CAPZB: variants seen among roughly 807,000 people sequenced by gnomAD.
CAPZB encodes the protein F-actin-capping protein subunit beta.
A neutral mutation model predicts 38.1 loss-of-function variants in CAPZB; 2 were observed. That is an observed-to-expected ratio of 0.05 (90% CI 0.02 to 0.17). The LOEUF is 0.17. Ranked by LOEUF, CAPZB falls within the 10% of genes least tolerant of loss-of-function variation. The pLI, the probability that CAPZB is intolerant of heterozygous loss-of-function variation, is 1.00. For synonymous variants in CAPZB, 107 were observed against 127.4 expected, an observed-to-expected ratio of 0.84 and a Z score of 1.08; for missense variants, 161 against 334.2, an observed-to-expected ratio of 0.48 and a Z score of 4.04.
intron 6 of CAPZB, among the ~76,000 whole-genome samples, chr1:19,351,366 G>T (rs2093990746): frequency 6.6e-6 from 1 of 151,990 alleles, no homozygotes; most frequent in African/African-American, 2.4e-5. Flanking sequence ...GGAATGCAAT[G>T]GTGCAATCAT....
chr1:19,437,546 C>T (rs12042004), intron 1 of CAPZB, among the ~76,000 whole-genome samples: 1 of 151,986 alleles, frequency 6.6e-6, no homozygotes, highest in Admixed American at 6.6e-5. Context: ...CCGCTAGCCT[C>T]GAAAGCCTGT....
At chr1:19,385,720 CCTTTAACAT>C in intron 2 of CAPZB, 94 bp from the exon 3 acceptor site, 1 of 1,476,558 alleles carries the variant, frequency 6.8e-7, no homozygotes, top group Non-Finnish European at 9.5e-7. Flanking sequence ...GTGGTCAGTA[CCTTTAACAT>C]CTGGCCCTGG....
chr1:19,405,873 G>A (rs1410294720), intron 2 of CAPZB, among the ~76,000 whole-genome samples: 2 of 152,190 alleles, frequency 1.3e-5, no homozygotes, highest in African/African-American at 4.8e-5. Flanking sequence ...AAGGCAATGG[G>A]CCCATTAGGA....
intron 1 of CAPZB, among the ~76,000 whole-genome samples, chr1:19,421,317 C>A (rs994454802): frequency 1.3e-5 from 2 of 152,094 alleles, no homozygotes. Flanking sequence ...AGACATAACA[C>A]ATTATTAAGG....
chr1:19,475,789 A>G (rs2094604744), intron 1 of CAPZB, among the ~76,000 whole-genome samples: 1 of 152,190 alleles, frequency 6.6e-6, no homozygotes, highest in South Asian at 2.1e-4. Flanking sequence ...GCAACTTCAT[A>G]TGGTTCAACC....
At chr1:19,453,241 C>T (rs1055021318) in intron 1 of CAPZB, among the ~76,000 whole-genome samples, 1 of 152,136 alleles carries the variant, frequency 6.6e-6, no homozygotes, top group African/African-American at 2.4e-5. Flanking sequence ...TGATAACTAA[C>T]AGCACGTCTT....
chr1:19,361,913 T>C (rs2094054811), intron 4 of CAPZB, among the ~76,000 whole-genome samples: 1 of 152,212 alleles, frequency 6.6e-6, no homozygotes, highest in Non-Finnish European at 1.5e-5. Context: ...ATAAGGTGGC[T>C]CTACCATCGC....
At chr1:19,354,411 G>C (rs879934744) in intron 6 of CAPZB, among the ~76,000 whole-genome samples, 12 of 152,138 alleles carry the variant, frequency 7.9e-5, no homozygotes, top group Non-Finnish European at 1.6e-4. Context: ...ACTTAGATTT[G>C]TCTACCTCAT....
chr1:19,461,536 C>A (rs78070976), intron 1 of CAPZB, among the ~76,000 whole-genome samples: 1 of 152,232 alleles, frequency 6.6e-6, no homozygotes, highest in Non-Finnish European at 1.5e-5. Context: ...CTGGCTTCCA[C>A]GCATGCTTCC....
At chr1:19,347,481 A>G (rs2093968319) in intron 6 of CAPZB, among the ~76,000 whole-genome samples, 1 of 151,978 alleles carries the variant, frequency 6.6e-6, no homozygotes, top group South Asian at 2.1e-4. Context: ...CCACATTTCC[A>G]CAGCCCCCCA....
intron 1 of CAPZB, among the ~76,000 whole-genome samples, chr1:19,453,207 G>A (rs369707562): frequency 9.9e-5 from 15 of 152,066 alleles, no homozygotes; most frequent in African/African-American, 2.4e-4. Flanking sequence ...ATACAGGCCC[G>A]GTGTCACCGG....
intron 6 of CAPZB, among the ~76,000 whole-genome samples, chr1:19,346,711 G>A (rs1350821813): frequency 6.6e-6 from 1 of 152,050 alleles, no homozygotes; most frequent in Non-Finnish European, 1.5e-5. Context: ...CAGAGGGCAG[G>A]AGAGAACCAA....
chr1:19,435,218 T>C (rs982933523), intron 1 of CAPZB, among the ~76,000 whole-genome samples: 1 of 152,314 alleles, frequency 6.6e-6, no homozygotes. Context: ...ACAAGTTTCC[T>C]GAGAGCTGGT....
intron 3 of CAPZB, among the ~76,000 whole-genome samples, chr1:19,382,400 C>T (rs913956904): frequency 2.0e-5 from 3 of 152,090 alleles, no homozygotes; most frequent in South Asian, 2.1e-4. Context: ...ACTTTCATTT[C>T]CCTCCGAGAA....
intron 4 of CAPZB, among the ~76,000 whole-genome samples, chr1:19,364,888 C>A (rs1466942914): frequency 6.6e-6 from 1 of 151,504 alleles, no homozygotes; most frequent in African/African-American, 2.4e-5. Context: ...GTTCTCTTGC[C>A]CAGGTTGGAG....
chr1:19,420,026 G>A (rs1038539158), intron 1 of CAPZB: 3 of 412,742 alleles, frequency 7.3e-6, no homozygotes, highest in Admixed American at 8.3e-5. Flanking sequence ...CTCCCTCACC[G>A]GCTCCCCTGC....
chr1:19,440,137 CTTTG>C (rs773245918), intron 1 of CAPZB, among the ~76,000 whole-genome samples: 1 of 152,146 alleles, frequency 6.6e-6, no homozygotes, highest in Non-Finnish European at 1.5e-5. Flanking sequence ...TACAAAATAC[CTTTG>C]TTTTTCTTTT....
chr1:19,372,373 G>A (rs372663174), intron 4 of CAPZB, among the ~76,000 whole-genome samples: 8 of 152,252 alleles, frequency 5.3e-5, no homozygotes, highest in Admixed American at 2.0e-4. Flanking sequence ...ATCTTTGGAA[G>A]AAGGCAGTGC....
intron 1 of CAPZB, among the ~76,000 whole-genome samples, chr1:19,446,120 C>T (rs925394485): frequency 1.6e-4 from 25 of 152,152 alleles, no homozygotes; most frequent in African/African-American, 4.6e-4. Context: ...GCAGGAAGAG[C>T]GCCAGCCCTG....
Sources: gnomAD v4.1 joint callset for allele counts (sites outside exome capture counted in the v4.1 genomes callset) on GRCh38, gnomAD v4.1.1 for gene constraint, MANE v1.5 for transcripts, NCBI Gene and HGNC (gene_info 2026-07-23, HGNC 2026-07-21) for gene names.